The following UBAC2 variants were observed in gnomAD, a reference collection of about 807,000 sequenced individuals.
UBAC2 encodes the protein ubiquitin-associated domain-containing protein 2.
Under a neutral mutation model 44.0 loss-of-function variants are expected in UBAC2, and 26 were observed. That is an observed-to-expected ratio of 0.59 (90% CI 0.43 to 0.82). UBAC2 has a LOEUF of 0.82. UBAC2 is among the 40% of genes least tolerant of loss of function. The pLI, the probability that UBAC2 is intolerant of heterozygous loss-of-function variation, is 0.00. For synonymous variants in UBAC2, 155 were observed against 154.3 expected (o/e 1.00, Z -0.04); for missense variants, 329 against 419.4 (o/e 0.78, Z 1.88).
intron 4 of UBAC2, among the ~76,000 whole-genome samples, chr13:99,264,245 C>T (rs1486266824): frequency 6.6e-6 from 1 of 152,192 alleles, no homozygotes; most frequent in Non-Finnish European, 1.5e-5. Flanking sequence ...CCTCAGGTTC[C>T]TCTTGGCCTA....
chr13:99,375,366 C>T (rs1472335475), intron 8 of UBAC2, among the ~76,000 whole-genome samples: 1 of 152,142 alleles, frequency 6.6e-6, no homozygotes, highest in Non-Finnish European at 1.5e-5. Context: ...GCAAGGGTCT[C>T]GGCCATGCGT....
At chr13:99,319,561 A>C (rs1270416974) in intron 6 of UBAC2, among the ~76,000 whole-genome samples, 2 of 152,066 alleles carry the variant, frequency 1.3e-5, no homozygotes, top group African/African-American at 2.4e-5. Flanking sequence ...TTTGTTCCCC[A>C]CAGCTGATAT....
At chr13:99,362,490 GTTCCCATTTCT>G (rs1343694338) in intron 7 of UBAC2, among the ~76,000 whole-genome samples, 1 of 152,166 alleles carries the variant, frequency 6.6e-6, no homozygotes, top group Non-Finnish European at 1.5e-5. Flanking sequence ...ACTTATCAGA[GTTCCCATTTCT>G]TTCACATCAT....
intron 4 of UBAC2, among the ~76,000 whole-genome samples, chr13:99,248,418 T>G (rs1266137842): frequency 6.6e-6 from 1 of 150,992 alleles, no homozygotes; most frequent in Non-Finnish European, 1.5e-5. Flanking sequence ...TGAGACAGAT[T>G]TTCACTCTTG....
At chr13:99,364,728 G>A (rs1033727445) in intron 7 of UBAC2, among the ~76,000 whole-genome samples, 1 of 152,086 alleles carries the variant, frequency 6.6e-6, no homozygotes, top group Non-Finnish European at 1.5e-5. Context: ...TACTTTTTGT[G>A]TTTATTTTGT....
intron 4 of UBAC2, among the ~76,000 whole-genome samples, chr13:99,298,539 G>A (rs1309608686): frequency 6.6e-6 from 1 of 152,060 alleles, no homozygotes; most frequent in Non-Finnish European, 1.5e-5. Context: ...TTTAAAAAAG[G>A]AAAGATTTAA....
chr13:99,205,807 C>T (rs2042864237), intron 1 of UBAC2: 2 of 165,732 alleles, frequency 1.2e-5, no homozygotes, highest in Admixed American at 1.3e-4. Context: ...CTTCCTCCCT[C>T]ACCGTTCCAT....
chr13:99,236,855 C>T (rs1392478681), intron 1 of UBAC2, among the ~76,000 whole-genome samples: 4 of 151,762 alleles, frequency 2.6e-5, no homozygotes, highest in Admixed American at 2.6e-4. Context: ...GTCTCAAAAA[C>T]GGCAACAACT....
intron 4 of UBAC2, among the ~76,000 whole-genome samples, chr13:99,303,912 C>A (rs540493325): frequency 6.6e-6 from 1 of 152,200 alleles, no homozygotes; most frequent in Non-Finnish European, 1.5e-5. Flanking sequence ...TCTCCCTCAC[C>A]TGCTGCCTCT....
At chr13:99,370,007 C>T (rs116072402) in intron 8 of UBAC2, among the ~76,000 whole-genome samples, 1,956 of 151,884 alleles carry the variant, frequency 0.013, 54 homozygotes, top group African/African-American at 0.044. Flanking sequence ...AAATGTGATC[C>T]TGGACTGGAT....
chr13:99,244,663 T>C (rs2043359875), intron 4 of UBAC2, 39 bp downstream of exon 4: 3 of 1,208,366 alleles, frequency 2.5e-6, no homozygotes, highest in Non-Finnish European at 3.7e-6. Flanking sequence ...TTAGAACTAC[T>C]TGAATCTGAT....
At chr13:99,341,590 G>A (rs953218090) in intron 7 of UBAC2, among the ~76,000 whole-genome samples, 2 of 152,164 alleles carry the variant, frequency 1.3e-5, no homozygotes, top group African/African-American at 4.8e-5. Flanking sequence ...TTGGAAATGT[G>A]GAAGCTACAT....
intron 6 of UBAC2, among the ~76,000 whole-genome samples, chr13:99,328,366 G>A (rs942611605): frequency 4.6e-5 from 7 of 152,282 alleles, no homozygotes; most frequent in South Asian, 2.1e-4. Context: ...CTTTAGGAAC[G>A]GAATTGCTGG....
intron 4 of UBAC2, among the ~76,000 whole-genome samples, chr13:99,251,570 G>A (rs2043458498): frequency 6.6e-6 from 1 of 152,126 alleles, no homozygotes; most frequent in African/African-American, 2.4e-5. Flanking sequence ...ATACAATGCT[G>A]TCAGAAGTTA....
rs59409181 is a variant in UBAC2, at chr13:99,330,458, C to CAAAA, written c.562-9847_562-9844dup. On this transcript the variant is annotated intron_variant, in intron 6 of 8. Coordinates refer to ENST00000403766, the MANE Select transcript of UBAC2 (RefSeq NM_001144072.2). ...TGGGTGACAGAGTGAGACGTCATCT[C>CAAAA]AAAAAAAAAAAAAAAAAAGAAATAC... Among the ~76,000 whole-genome samples, 48 of 46,042 alleles carry CAAAA rather than the reference C, an allele frequency of 1.0e-3. 7 individuals are homozygous for CAAAA. Among genetic ancestry groups the CAAAA allele is most frequent in the Middle Eastern group, 0.026 (1 of 38 alleles). 30.2% of individuals were successfully genotyped at this position (46,042 alleles called of 152,430 possible).
At chr13:99,276,734 C>A (rs1319206012) in intron 4 of UBAC2, among the ~76,000 whole-genome samples, 1 of 152,210 alleles carries the variant, frequency 6.6e-6, no homozygotes, top group Non-Finnish European at 1.5e-5. Flanking sequence ...CTGAGGCTAT[C>A]CAGGGGCTCT....
At chr13:99,353,731 C>CA (rs11428072) in intron 7 of UBAC2, among the ~76,000 whole-genome samples, 66,887 of 151,720 alleles carry the variant, frequency 0.44, 15,244 homozygotes, top group African/African-American at 0.56. Context: ...TTTTCCTCCC[C>CA]AAAAAAAGCC....
chr13:99,318,024 T>C lies in UBAC2; in HGVS notation c.516T>C (p.Leu172=). Residue 172 remains leucine, a splice_region_variant and synonymous_variant, in exon 6 of 9, where the codon CTT becomes CTC. Coordinates refer to ENST00000403766, the MANE Select transcript of UBAC2 (RefSeq NM_001144072.2). ...KTLIYILGLQ[L]FTSGSYIWIV... ...TGCCTTTTTTTTTTCTTTTATAGCT[T>C]TTCACCTCTGGTTCCTACATCTGGA... The C allele has an allele frequency of 6.2e-7, 1 of 1,609,486 alleles. No homozygotes were observed. The highest frequency in any genetic ancestry group is 1.7e-4 in the Middle Eastern group (1 of 6,052).
intron 4 of UBAC2, among the ~76,000 whole-genome samples, chr13:99,310,322 A>G (rs893566773): frequency 3.9e-5 from 6 of 152,198 alleles, no homozygotes; most frequent in African/African-American, 1.2e-4. Flanking sequence ...ACTGACAGAT[A>G]CCGGTGTCTC....
Sources: allele counts gnomAD v4.1 joint callset (sites outside exome capture counted in the v4.1 genomes callset), GRCh38; gene constraint gnomAD v4.1.1; transcripts MANE v1.5; gene names NCBI Gene and HGNC (gene_info 2026-07-23, HGNC 2026-07-21).